The following NPAS3 variants were observed in gnomAD, a reference collection of about 807,000 sequenced individuals.
The protein encoded by NPAS3 is neuronal PAS domain protein 3.
A neutral mutation model predicts 73.1 loss-of-function variants in NPAS3; 14 were observed. The observed-to-expected ratio is 0.19, with a 90% CI of 0.13 to 0.30. NPAS3 has a LOEUF of 0.30. Among genes scored for constraint, NPAS3 ranks in the 10% least tolerant of loss-of-function variants. The probability of loss-of-function intolerance (pLI) is 1.00; values close to 1 mark genes in which losing one functional copy is unlikely to be tolerated. For synonymous variants in NPAS3, 620 were observed against 541.5 expected (o/e 1.14, Z -2.01); for missense variants, 1,096 against 1,250.0 (o/e 0.88, Z 1.86).
At chr14:33,024,170 G>GTA (rs1555324579) in intron 1 of NPAS3, among the ~76,000 whole-genome samples, 219 of 139,558 alleles carry the variant, frequency 1.6e-3, no homozygotes, top group African/African-American at 4.5e-3. Flanking sequence ...GTGTGTGTGT[G>GTA]TATGTATATT....
intron 5 of NPAS3, among the ~76,000 whole-genome samples, chr14:33,624,313 A>C (rs1322935211): frequency 6.6e-6 from 1 of 152,230 alleles, no homozygotes; most frequent in Non-Finnish European, 1.5e-5. Flanking sequence ...AATCAAGATC[A>C]CCATATCAAA....
chr14:33,776,521 TAAAA>T (rs552348267), intron 8 of NPAS3, among the ~76,000 whole-genome samples: 129 of 31,994 alleles, frequency 4.0e-3, no homozygotes, highest in Middle Eastern at 0.024. Flanking sequence ...TTCTTCCTCT[TAAAA>T]AAAAAAAAAA....
At chr14:33,332,085 A>G (rs2044010993) in intron 3 of NPAS3, among the ~76,000 whole-genome samples, 1 of 152,218 alleles carries the variant, frequency 6.6e-6, no homozygotes, top group Non-Finnish European at 1.5e-5. Context: ...ATGGTTCTAC[A>G]TAAAACTTTC....
intron 2 of NPAS3, among the ~76,000 whole-genome samples, chr14:33,066,550 A>G (rs1434292449): frequency 6.6e-6 from 1 of 152,240 alleles, no homozygotes; most frequent in African/African-American, 2.4e-5. Context: ...GTATGTTTTT[A>G]CAAGAGTCTG....
intron 4 of NPAS3, among the ~76,000 whole-genome samples, chr14:33,534,902 G>C (rs2054193696): frequency 6.6e-6 from 1 of 152,124 alleles, no homozygotes; most frequent in African/African-American, 2.4e-5. Context: ...CTCGGCTCTT[G>C]AGAAGTCCTC....
chr14:33,109,577 A>C (rs544148324), intron 2 of NPAS3, among the ~76,000 whole-genome samples: 1 of 152,204 alleles, frequency 6.6e-6, no homozygotes, highest in East Asian at 1.9e-4. Flanking sequence ...TTGCAAAATT[A>C]ATGTAATTTT....
intron 2 of NPAS3, among the ~76,000 whole-genome samples, chr14:33,180,384 G>A (rs925554793): frequency 6.6e-6 from 1 of 152,128 alleles, no homozygotes; most frequent in Non-Finnish European, 1.5e-5. Flanking sequence ...AGAGAAGAAG[G>A]AAAGCATCAT....
chr14:32,938,084 C>G (rs1034469497), upstream of NPAS3, among the ~76,000 whole-genome samples: 1 of 152,086 alleles, frequency 6.6e-6, no homozygotes, highest in Non-Finnish European at 1.5e-5. Context: ...TGAGTTTAAA[C>G]GCGCGGGGAT....
At chr14:33,226,577 CAT>C (rs1266129149) in intron 3 of NPAS3, among the ~76,000 whole-genome samples, 7 of 152,074 alleles carry the variant, frequency 4.6e-5, no homozygotes, top group South Asian at 2.1e-4. Flanking sequence ...AATTATATAA[CAT>C]AATATAATTT....
intron 1 of NPAS3, among the ~76,000 whole-genome samples, chr14:33,027,789 A>G (rs1224898935): frequency 2.0e-5 from 3 of 152,170 alleles, no homozygotes; most frequent in African/African-American, 7.2e-5. Context: ...CAATATACAT[A>G]TTTTTAACAG....
chr14:33,692,245 T>C (rs1470526822), intron 6 of NPAS3, among the ~76,000 whole-genome samples: 1 of 152,090 alleles, frequency 6.6e-6, no homozygotes, highest in African/African-American at 2.4e-5. Flanking sequence ...GAAAAGAGAG[T>C]GCTGTTCTGC....
At chr14:33,078,096 G>A (rs1437329894) in intron 2 of NPAS3, among the ~76,000 whole-genome samples, 8 of 151,694 alleles carry the variant, frequency 5.3e-5, no homozygotes, top group African/African-American at 9.7e-5. Context: ...CTGAGATCGC[G>A]CCACTGCACT....
At chr14:33,134,177 TTTC>T (rs869205259) in intron 2 of NPAS3, among the ~76,000 whole-genome samples, 1 of 152,304 alleles carries the variant, frequency 6.6e-6, no homozygotes, top group African/African-American at 2.4e-5. Flanking sequence ...TTTGGGTGAT[TTTC>T]TTCTTGGGAA....
At chr14:33,441,004 A>G in intron 4 of NPAS3, among the ~76,000 whole-genome samples, 1 of 152,194 alleles carries the variant, frequency 6.6e-6, no homozygotes, top group East Asian at 1.9e-4. Context: ...TAATGAATTT[A>G]GCAAATCATA....
At chr14:33,454,885 A>G (rs1325235492) in intron 4 of NPAS3, among the ~76,000 whole-genome samples, 1 of 152,184 alleles carries the variant, frequency 6.6e-6, no homozygotes, top group Non-Finnish European at 1.5e-5. Flanking sequence ...ATTGCCTTTA[A>G]CAGGTGAGGA....
chr14:33,304,478 G>C (rs1028964774), intron 3 of NPAS3, among the ~76,000 whole-genome samples: 6 of 151,434 alleles, frequency 4.0e-5, no homozygotes, highest in Admixed American at 3.3e-4. Context: ...GGTGTAGGTG[G>C]TTGATTGAAT....
chr14:33,209,461 G>C (rs996741864), intron 2 of NPAS3, among the ~76,000 whole-genome samples: 1 of 152,100 alleles, frequency 6.6e-6, no homozygotes, highest in Non-Finnish European at 1.5e-5. Flanking sequence ...GCTCATGTTA[G>C]GGCAAGTGTA....
At chr14:33,220,734 A>G (rs2047393154) in intron 3 of NPAS3, among the ~76,000 whole-genome samples, 2 of 152,158 alleles carry the variant, frequency 1.3e-5, no homozygotes, top group Non-Finnish European at 2.9e-5. Context: ...TGATCATTGA[A>G]TTATTATCTA....
At chr14:32,954,712 A>G (rs768582085) in intron 1 of NPAS3, among the ~76,000 whole-genome samples, 19 of 152,104 alleles carry the variant, frequency 1.2e-4, no homozygotes, top group Non-Finnish European at 2.6e-4. Context: ...AATACCTCCC[A>G]TAGACATTGT....
Sources: gnomAD v4.1 joint callset for allele counts (sites outside exome capture counted in the v4.1 genomes callset) on GRCh38, gnomAD v4.1.1 for gene constraint, MANE v1.5 for transcripts, NCBI Gene and HGNC (gene_info 2026-07-23, HGNC 2026-07-21) for gene names.